Variants in ALPK3 observed in about 807,000 individuals in gnomAD.
ALPK3 encodes alpha kinase 3.
In ALPK3, 102 loss-of-function variants were observed where a neutral mutation model predicts 140.0. That is an observed-to-expected ratio of 0.73 (90% CI 0.62 to 0.86). ALPK3 has a LOEUF of 0.86. Among genes scored for constraint, ALPK3 ranks in the 40% least tolerant of loss-of-function variants. The probability of loss-of-function intolerance (pLI) is 0.00; values close to 1 mark genes in which losing one functional copy is unlikely to be tolerated. For synonymous variants in ALPK3, 938 were observed against 898.5 expected (o/e 1.04, Z -0.79); for missense variants, 2,254 against 2,208.2 (o/e 1.02, Z -0.42).
Position 84,817,495 on chromosome 15 carries a change from G to A in ALPK3, c.43G>A (p.Gly15Arg). The A allele has an allele frequency of 6.9e-7, 1 of 1,448,206 alleles. No individual in the cohort carries two copies. The highest frequency in any genetic ancestry group is 9.0e-7 in the Non-Finnish European group (1 of 1,107,372). The allele number at this position is 1,448,206 out of a possible 1,614,324, so 89.7% of individuals were successfully genotyped here. Residue 15 changes from glycine to arginine, a missense_variant, in exon 1 of 14, where the codon GGG becomes AGG. This residue lies in a region of ALPK3 where 2,088 missense variants were observed against 2,022.9 expected (regional missense o/e 1.03). Transcript: ENST00000258888. ...CCCCAGCCGGGGCTGGGGCGCGGGT[G>A]GGCGGTCGGGGGCGGGGGGCGACGG... ...RAPSRGWGAGGRSGAGGDGED... is the reference protein window; with the variant it reads ...RAPSRGWGAGRRSGAGGDGED...
chr15:84,864,740 G>A, intron 12 of ALPK3, 75 bp downstream of exon 12: 3 of 1,448,372 alleles, frequency 2.1e-6, no homozygotes, highest in Non-Finnish European at 2.8e-6. Flanking sequence ...AAGCCATAGT[G>A]CTTGGCTGAT....
chr15:84,845,332 C>G (rs1039528051), intron 5 of ALPK3, among the ~76,000 whole-genome samples: 2 of 152,128 alleles, frequency 1.3e-5, no homozygotes, highest in Non-Finnish European at 2.9e-5. Context: ...GAGAATCTTC[C>G]CCTCTATTCA....
intron 5 of ALPK3, among the ~76,000 whole-genome samples, chr15:84,854,350 C>T (rs1278496311): frequency 1.3e-5 from 2 of 151,962 alleles, no homozygotes; most frequent in African/African-American, 2.4e-5. Flanking sequence ...TCCACTGGCA[C>T]GATCTTGGCT....
intron 1 of ALPK3, among the ~76,000 whole-genome samples, chr15:84,821,118 G>A (rs1006391219): frequency 3.3e-5 from 5 of 152,224 alleles, no homozygotes; most frequent in African/African-American, 1.2e-4. Flanking sequence ...CTCAGAGGCA[G>A]TAAATGGGGA....
chr15:84,833,957 T>TTGTGTGTGTGTG (rs71453270), intron 3 of ALPK3, among the ~76,000 whole-genome samples: 4,000 of 147,266 alleles, frequency 0.027, 182 homozygotes, highest in East Asian at 0.18. Context: ...AGATTCTGTG[T>TTGTGTGTGTGTG]TGTGTGTGTG....
In ALPK3 at chr15:84,872,244, C is replaced by T. The variant is rs1434625690; in HGVS notation, c.*3788C>T. 1 of 152,260 alleles carries T rather than the reference C, an allele frequency of 6.6e-6. No individual in the cohort carries two copies. Among genetic ancestry groups the T allele is most frequent in the African/African-American group, 2.4e-5 (1 of 41,470 alleles). The allele number at this position is 152,260 out of a possible 1,614,324, so 9.4% of individuals were successfully genotyped here. A position where few individuals can be genotyped will look rare whatever the true frequency, so the allele number is the denominator to read the frequency against. On this transcript the variant is annotated 3_prime_UTR_variant, in exon 14 of 14. Coordinates refer to ENST00000258888, the MANE Select transcript of ALPK3 (RefSeq NM_020778.5). ...TGGTGAGCCAGAAGGGCATTTTGTA[C>T]AAGGATAATGGTTACTTTTTGGCCA...
In ALPK3 at chr15:84,857,727, C is replaced by CT; in HGVS notation, c.2990dup (p.Thr998AspfsTer10). 1.2e-6 allele frequency: 2 copies of CT among 1,613,344 alleles called. No individual in the cohort carries two copies. The highest frequency in any genetic ancestry group is 1.1e-5 in the South Asian group (1 of 91,078). ...CGGAGGTCTGGTGCCCTCAGCCACT[C>CT]TGACACCCACTGTGGAAGTGGCTGG... is the stretch of plus-strand genomic sequence containing the variant. On this transcript the variant is annotated frameshift_variant, in exon 6 of 14. Coordinates refer to ENST00000258888, the MANE Select transcript of ALPK3 (RefSeq NM_020778.5). LOFTEE classifies it high-confidence loss of function.
chr15:84,851,528 C>T (rs1236331307), intron 5 of ALPK3, among the ~76,000 whole-genome samples: 2 of 152,198 alleles, frequency 1.3e-5, no homozygotes, highest in African/African-American at 4.8e-5. Flanking sequence ...CTCCCCACTT[C>T]CCTATCCCCA....
At chr15:84,844,054 C>T (rs1963697666) in intron 5 of ALPK3, among the ~76,000 whole-genome samples, 1 of 152,174 alleles carries the variant, frequency 6.6e-6, no homozygotes, top group Non-Finnish European at 1.5e-5. Flanking sequence ...GATGGTGAAA[C>T]CCTGTCTCTA....
intron 6 of ALPK3, 121 bp downstream of exon 6, chr15:84,858,676 T>C: frequency 7.2e-7 from 1 of 1,393,276 alleles, no homozygotes; most frequent in South Asian, 1.5e-5. Context: ...GATTCATAAA[T>C]TACCTTGGTA....
At chr15:84,828,963 C>T (rs894104475) in intron 3 of ALPK3, among the ~76,000 whole-genome samples, 2 of 152,194 alleles carry the variant, frequency 1.3e-5, no homozygotes, top group Admixed American at 1.3e-4. Context: ...CATGCTTTTG[C>T]ACATCTCATT....
At chr15:84,855,482 C>T (rs1488091508) in intron 5 of ALPK3, among the ~76,000 whole-genome samples, 1 of 152,134 alleles carries the variant, frequency 6.6e-6, no homozygotes, top group African/African-American at 2.4e-5. Flanking sequence ...TTCATGTTTA[C>T]TTTGTTGGTT....
At chr15:84,835,327 G>A (rs1258708922) in intron 3 of ALPK3, among the ~76,000 whole-genome samples, 2 of 152,162 alleles carry the variant, frequency 1.3e-5, no homozygotes, top group African/African-American at 2.4e-5. Context: ...CCTGGCCGAC[G>A]CTGCTGCAGC....
At chr15:84,820,483 AGT>A (rs1963409627) in intron 1 of ALPK3, among the ~76,000 whole-genome samples, 1 of 151,726 alleles carries the variant, frequency 6.6e-6, no homozygotes, top group Non-Finnish European at 1.5e-5. Flanking sequence ...TTATTATTTT[AGT>A]GTGTTTTTTT....
chr15:84,838,956 C>T (rs369708945), intron 3 of ALPK3, 24 bp from the exon 4 acceptor site: 23 of 1,604,676 alleles, frequency 1.4e-5, no homozygotes, highest in Non-Finnish European at 1.7e-5. Context: ...CTTGCTGTAA[C>T]CCAGTCTCCT....
intron 2 of ALPK3, among the ~76,000 whole-genome samples, chr15:84,826,529 G>T (rs1298833120): frequency 6.6e-6 from 1 of 152,168 alleles, no homozygotes; most frequent in Non-Finnish European, 1.5e-5. Flanking sequence ...TCACACCTAG[G>T]AACGCACTGT....
rs55944419 is a variant in ALPK3, at chr15:84,847,208, GGAGAGAGAGAGAGAGAGAGA to G, written c.1653+6298_1653+6317del. ...GAGAGAGGAAGGGAGGGAGAAACGG[GGAGAGAGAGAGAGAGAGAGA>G]GAGAGAGAGAGAGAGAGAGAGGAAT... On this transcript the variant is annotated intron_variant, in intron 5 of 13. Transcript: ENST00000258888. 3.4e-5 allele frequency among the ~76,000 whole-genome samples: 4 copies of G among 116,640 alleles called. No homozygotes were observed. In the South Asian group the frequency reaches 1.3e-3, roughly 37 times the overall value. 76.5% of individuals were successfully genotyped at this position (116,640 alleles called of 152,430 possible). A position where few individuals can be genotyped will look rare whatever the true frequency, so the allele number is the denominator to read the frequency against.
chr15:84,864,243 G>C (rs978558981), intron 11 of ALPK3, among the ~76,000 whole-genome samples, 199 bp from the exon 12 acceptor site: 2 of 152,162 alleles, frequency 1.3e-5, no homozygotes, highest in African/African-American at 4.8e-5. Context: ...GAATGGACAG[G>C]ACTCTGAAGC....
rs1567093598 is a variant in ALPK3 at position 84,857,207 on chromosome 15, A to AT, written c.2470dup (p.Ser824PhefsTer55). On this transcript the variant is annotated frameshift_variant, in exon 6 of 14. Transcript: ENST00000258888. LOFTEE classifies it high-confidence loss of function. ...GAGAGAGATGCCGAGGGCCACAGTC[A>AT]TCAGGCCCAGTCGAGGCCAAGCAGG... 2 of 1,613,928 alleles carry AT rather than the reference A, an allele frequency of 1.2e-6. No homozygotes were observed. The highest frequency in any genetic ancestry group is 8.5e-7 in the Non-Finnish European group (1 of 1,179,964).
Sources: gnomAD v4.1 joint callset for allele counts (sites outside exome capture counted in the v4.1 genomes callset) on GRCh38, gnomAD v4.1.1 for gene constraint, gnomAD v4.1.1 regional missense constraint, MANE v1.5 for transcripts, NCBI Gene and HGNC (gene_info 2026-07-23, HGNC 2026-07-21) for gene names.